The following FMN1 variants were observed in gnomAD, a reference collection of about 807,000 sequenced individuals.
FMN1 encodes the protein formin 1.
In FMN1, 110 loss-of-function variants were observed where a neutral mutation model predicts 132.4. The ratio of observed to expected loss-of-function variants is 0.83; its 90% confidence interval spans 0.71 to 0.97. FMN1 has a LOEUF of 0.97. FMN1 is among the 50% of genes least tolerant of loss of function. FMN1 has a pLI of 0.00. For missense variants in FMN1, 1,792 were observed against 1,705.3 expected (o/e 1.05, Z -0.90); for synonymous variants, 722 against 651.7 (o/e 1.11, Z -1.64).
At chr15:33,026,433 C>CACACAT (rs2035678292) in intron 6 of FMN1, among the ~76,000 whole-genome samples, 1 of 151,926 alleles carries the variant, frequency 6.6e-6, no homozygotes. Context: ...CACACACACA[C>CACACAT]ACACACTTCT....
At chr15:33,003,511 G>A (rs1434207162) in intron 7 of FMN1, among the ~76,000 whole-genome samples, 1 of 152,142 alleles carries the variant, frequency 6.6e-6, no homozygotes, top group Non-Finnish European at 1.5e-5. Flanking sequence ...ACCTCTTCAA[G>A]GAGAACTACA....
In FMN1 at chr15:33,106,393, T is replaced by C. The variant is rs530694195; in HGVS notation, c.1868-17419A>G. 2.0e-5 allele frequency among the ~76,000 whole-genome samples: 3 copies of C among 152,120 alleles called. No homozygotes were observed. In the East Asian group the frequency reaches 5.8e-4, roughly 29 times the overall value. On this transcript the variant is annotated intron_variant, in intron 4 of 20. Transcript: ENST00000616417. ...GGCCTTTTTTTTAAAGTCAGCTTTC[T>C]TCAATGTGTACATGATTCTACAAAA...
intron 9 of FMN1, among the ~76,000 whole-genome samples, chr15:32,953,480 G>T (rs956301529): frequency 2.4e-4 from 36 of 152,150 alleles, no homozygotes; most frequent in African/African-American, 8.4e-4. Flanking sequence ...GGTGAGCTTT[G>T]TAAGGTCCGT....
At chr15:32,926,981 T>A (rs347953) in intron 9 of FMN1, among the ~76,000 whole-genome samples, 2,382 of 152,214 alleles carry the variant, frequency 0.016, 60 homozygotes, top group African/African-American at 0.055. Flanking sequence ...AGACAAGGTC[T>A]CCATAAAAAC....
chr15:32,934,392 T>G (rs925555805), intron 9 of FMN1, among the ~76,000 whole-genome samples: 11 of 152,146 alleles, frequency 7.2e-5, no homozygotes, highest in African/African-American at 2.7e-4. Context: ...ATCATTATAG[T>G]ATTCTGTATT....
chr15:32,861,268 G>T (rs1399542883), intron 16 of FMN1, among the ~76,000 whole-genome samples: 2 of 152,218 alleles, frequency 1.3e-5, no homozygotes, highest in Non-Finnish European at 2.9e-5. Context: ...CAAAGCTGAA[G>T]GCAGAGCTTG....
intron 4 of FMN1, among the ~76,000 whole-genome samples, chr15:33,139,324 C>T (rs930381186): frequency 5.9e-5 from 9 of 152,302 alleles, no homozygotes; most frequent in African/African-American, 1.9e-4. Context: ...TGGCCGGGCA[C>T]GGTGGCGCAC....
intron 4 of FMN1, among the ~76,000 whole-genome samples, chr15:33,123,338 G>C (rs868008127): frequency 3.2e-4 from 48 of 151,906 alleles, no homozygotes; most frequent in African/African-American, 1.0e-3. Flanking sequence ...ACCATCTACT[G>C]AATTAGGTAA....
intron 6 of FMN1, among the ~76,000 whole-genome samples, chr15:33,050,211 C>G (rs1267780482): frequency 6.6e-6 from 1 of 152,238 alleles, no homozygotes; most frequent in East Asian, 1.9e-4. Context: ...TTATGTTTAT[C>G]AGAACATAAC....
chr15:33,124,979 AT>A (rs2140192705), intron 4 of FMN1, among the ~76,000 whole-genome samples: 1 of 152,260 alleles, frequency 6.6e-6, no homozygotes, highest in South Asian at 2.1e-4. Context: ...GGCAATTCAA[AT>A]GAAGTTATAT....
chr15:33,070,435 T>C (rs770719899), intron 5 of FMN1, among the ~76,000 whole-genome samples: 12 of 147,552 alleles, frequency 8.1e-5, no homozygotes, highest in Non-Finnish European at 1.6e-4. Flanking sequence ...TTCTCAGACA[T>C]AACTAATTAT....
intron 7 of FMN1, among the ~76,000 whole-genome samples, chr15:32,987,470 G>A (rs1441272495): frequency 6.6e-6 from 1 of 152,042 alleles, no homozygotes; most frequent in East Asian, 1.9e-4. Flanking sequence ...CCTTTCCCCC[G>A]ACTGCACATC....
Position 32,765,667 on chromosome 15 carries a change from C to G in FMN1, c.*8643G>C, listed in dbSNP as rs1159042376. The G allele has an allele frequency of 6.6e-6, 1 of 152,044 alleles. No individual in the cohort carries two copies. Among genetic ancestry groups the G allele is most frequent in the Non-Finnish European group, 1.5e-5 (1 of 68,024 alleles). 9.4% of individuals were successfully genotyped at this position (152,044 alleles called of 1,614,324 possible). On this transcript the variant is annotated 3_prime_UTR_variant, in exon 21 of 21. Transcript: ENST00000616417. Reference sequence around the variant, plus strand: ...TAAAACAAATTAACAGAGGTATCAACAGATTAGGATAAATATAATCTATCA... The same window carrying G: ...TAAAACAAATTAACAGAGGTATCAAGAGATTAGGATAAATATAATCTATCA...
chr15:32,787,703 A>G (rs949911797), intron 19 of FMN1, among the ~76,000 whole-genome samples: 1 of 152,118 alleles, frequency 6.6e-6, no homozygotes, highest in Non-Finnish European at 1.5e-5. Flanking sequence ...TTTTTAAAAA[A>G]TGAGTTGGGC....
At chr15:33,118,445 A>G (rs1474734432) in intron 4 of FMN1, among the ~76,000 whole-genome samples, 2 of 152,196 alleles carry the variant, frequency 1.3e-5, no homozygotes, top group African/African-American at 4.8e-5. Flanking sequence ...CAGCAAACAG[A>G]GAAATAGGAA....
chr15:33,027,827 C>CAA (rs1383070222), intron 6 of FMN1, among the ~76,000 whole-genome samples: 1 of 152,156 alleles, frequency 6.6e-6, no homozygotes, highest in East Asian at 1.9e-4. Context: ...ATATGACAGA[C>CAA]AAGAGCATAT....
chr15:33,002,906 C>G (rs911826670), intron 7 of FMN1, among the ~76,000 whole-genome samples: 2 of 152,178 alleles, frequency 1.3e-5, no homozygotes, highest in Admixed American at 1.3e-4. Context: ...GCTAAGTGTT[C>G]AACATACGAA....
intron 12 of FMN1, 87 bp from the exon 13 acceptor site, chr15:32,902,127 A>G: frequency 1.8e-6 from 2 of 1,118,836 alleles, no homozygotes; most frequent in Non-Finnish European, 2.6e-6. Context: ...CTTTGGGAAC[A>G]TTCCTTACCT....
intron 5 of FMN1, among the ~76,000 whole-genome samples, chr15:33,078,729 A>G (rs2038326219): frequency 6.6e-6 from 1 of 152,140 alleles, no homozygotes; most frequent in Non-Finnish European, 1.5e-5. Context: ...TGCAAAGGCT[A>G]CTGCATTTCA....
Sources: gnomAD v4.1 joint callset for allele counts (sites outside exome capture counted in the v4.1 genomes callset) on GRCh38, gnomAD v4.1.1 for gene constraint, MANE v1.5 for transcripts, NCBI Gene and HGNC (gene_info 2026-07-23, HGNC 2026-07-21) for gene names.